The following PCOLCE2 variants were observed in gnomAD, a reference collection of about 807,000 sequenced individuals.
PCOLCE2 encodes the protein procollagen C-proteinase enhancer 2.
PCOLCE2 carries 42 observed loss-of-function variants against 47.0 expected under a neutral mutation model. That is an observed-to-expected ratio of 0.89 (90% CI 0.70 to 1.16). PCOLCE2 has a LOEUF of 1.16. Ranked by LOEUF, PCOLCE2 falls within the 50% of genes most tolerant of loss-of-function variation. PCOLCE2 has a pLI of 0.00. For missense variants in PCOLCE2, 500 were observed against 526.1 expected (o/e 0.95, Z 0.49); for synonymous variants, 169 against 191.7 (o/e 0.88, Z 0.98).
chr3:142,843,076 C>T, intron 3 of PCOLCE2, 28 bp from the exon 4 acceptor site: 1 of 1,608,332 alleles, frequency 6.2e-7, no homozygotes, highest in South Asian at 1.1e-5. Flanking sequence ...GGAAAAAAGC[C>T]CACAAGTTTA....
At chr3:142,883,381 T>C (rs984432595) in intron 2 of PCOLCE2, among the ~76,000 whole-genome samples, 1 of 152,050 alleles carries the variant, frequency 6.6e-6, no homozygotes, top group Non-Finnish European at 1.5e-5. Context: ...AAACTCTAAA[T>C]AGAGTTGCTT....
In PCOLCE2 at chr3:142,842,405, T is replaced by C. The variant is rs570082719; in HGVS notation, c.573+519A>G. On this transcript the variant is annotated intron_variant, in intron 4 of 8. Transcript: ENST00000295992. This position sits in a 1 kb window ranked among gnomAD's most constrained non-coding sequence, Gnocchi z 4.1. ...AACTGTTTTGAAAATTGTCATTATA[T>C]AGCAGGAAATTAAATCCATGAATTT... Among the ~76,000 whole-genome samples, 10 of 152,252 alleles carry C rather than the reference T, an allele frequency of 6.6e-5. No homozygotes were observed. In the South Asian group the frequency reaches 2.1e-3, roughly 32 times the overall value.
At chr3:142,837,197 C>G (rs1937213671) in intron 5 of PCOLCE2, among the ~76,000 whole-genome samples, 2 of 152,240 alleles carry the variant, frequency 1.3e-5, no homozygotes, top group Admixed American at 6.5e-5. Context: ...AACAGATTCC[C>G]TTTCAGAGCT....
rs556394341 is a variant in PCOLCE2 at position 142,870,037 on chromosome 3, ATAC to A, written c.192+17629_192+17631del. Among the ~76,000 whole-genome samples the A allele has an allele frequency of 2.1e-3, 324 of 152,374 alleles. 1 individual carries two copies. Among genetic ancestry groups the A allele is most frequent in the African/African-American group, 6.3e-3 (264 of 41,584 alleles). ...AATTTACCATGCTATCTTAAAATTA[ATAC>A]TACTTTCACATGAATGAGGGATAAT... On this transcript the variant is annotated intron_variant, in intron 2 of 8. Transcript: ENST00000295992.
chr3:142,821,833 C>G (rs1003299696), intron 7 of PCOLCE2, among the ~76,000 whole-genome samples: 12 of 151,792 alleles, frequency 7.9e-5, no homozygotes, highest in African/African-American at 2.9e-4. Context: ...GTCTTTCTCA[C>G]GGGGGTGCGC....
chr3:142,877,723 T>A (rs1481288258), intron 2 of PCOLCE2, among the ~76,000 whole-genome samples: 1 of 152,210 alleles, frequency 6.6e-6, no homozygotes, highest in African/African-American at 2.4e-5. Flanking sequence ...CCCATTCTTC[T>A]AGTAACTGAG....
intron 5 of PCOLCE2, among the ~76,000 whole-genome samples, chr3:142,831,454 A>C (rs1000628434): frequency 6.6e-5 from 10 of 152,182 alleles, no homozygotes; most frequent in African/African-American, 2.4e-4. Flanking sequence ...AACTATAAGA[A>C]ATTCTTTTTC....
Position 142,842,470 on chromosome 3 carries a change from G to A in PCOLCE2, c.573+454C>T, listed in dbSNP as rs1937274537. 6.6e-6 allele frequency among the ~76,000 whole-genome samples: 1 copy of A among 152,146 alleles called. No homozygotes were observed. Among genetic ancestry groups the A allele is most frequent in the African/African-American group, 2.4e-5 (1 of 41,424 alleles). ...TGCAAAGGCTAGGCCGGGCACGGTG[G>A]CTCACATCTGTAATCCCAGCATTTT... On this transcript the variant is annotated intron_variant, in intron 4 of 8. Coordinates refer to ENST00000295992, the MANE Select transcript of PCOLCE2 (RefSeq NM_013363.4). This position sits in a 1 kb window ranked among gnomAD's most constrained non-coding sequence, Gnocchi z 4.1.
intron 2 of PCOLCE2, among the ~76,000 whole-genome samples, chr3:142,870,237 G>A (rs1188210894): frequency 2.6e-5 from 4 of 152,158 alleles, no homozygotes; most frequent in Non-Finnish European, 5.9e-5. Flanking sequence ...TTAGGACCCA[G>A]AAGCAACAGA....
intron 2 of PCOLCE2, among the ~76,000 whole-genome samples, chr3:142,885,877 C>T (rs2108214167): frequency 6.6e-6 from 1 of 152,330 alleles, no homozygotes; most frequent in East Asian, 1.9e-4. Flanking sequence ...CGCTTCTCTT[C>T]CCACTGTCCC....
chr3:142,871,085 T>C (rs2108207988), intron 2 of PCOLCE2, among the ~76,000 whole-genome samples: 1 of 152,352 alleles, frequency 6.6e-6, no homozygotes. Flanking sequence ...CCCTGTACAG[T>C]TGATTGCATC....
At chr3:142,827,076 C>G (rs1191926970) in intron 6 of PCOLCE2, 5 of 1,263,522 alleles carry the variant, frequency 4.0e-6, no homozygotes, top group Non-Finnish European at 5.7e-6. Context: ...TAAAGACAAA[C>G]TTTATTGAGC....
intron 2 of PCOLCE2, among the ~76,000 whole-genome samples, chr3:142,880,045 A>AC (rs1185235047): frequency 5.1e-4 from 72 of 141,462 alleles, no homozygotes; most frequent in African/African-American, 1.8e-3. Context: ...AAACAACCCC[A>AC]CCCCCCCAAA....
At chr3:142,827,462 G>T in intron 6 of PCOLCE2, 1 of 1,540,984 alleles carries the variant, frequency 6.5e-7, no homozygotes, top group Non-Finnish European at 9.0e-7. Flanking sequence ...GTGGGAGATA[G>T]CAGTGGCATA....
At chr3:142,878,139 T>C (rs1933536299) in intron 2 of PCOLCE2, among the ~76,000 whole-genome samples, 1 of 152,132 alleles carries the variant, frequency 6.6e-6, no homozygotes, top group Non-Finnish European at 1.5e-5. Flanking sequence ...TCCCTTCACA[T>C]TTTTGAAAAC....
At chr3:142,846,916 A>G (rs886910293) in intron 3 of PCOLCE2, among the ~76,000 whole-genome samples, 3 of 152,222 alleles carry the variant, frequency 2.0e-5, no homozygotes, top group African/African-American at 7.2e-5. Flanking sequence ...TAGCAGCTTT[A>G]AAGTACTTGT....
In PCOLCE2 at chr3:142,818,410, C is replaced by A; in HGVS notation, c.1173G>T (p.Met391Ile). 1 of 1,613,208 alleles carries A rather than the reference C, an allele frequency of 6.2e-7. No homozygotes were observed. The highest frequency in any genetic ancestry group is 8.5e-7 in the Non-Finnish European group (1 of 1,179,332). Residue 391 changes from methionine (M) to isoleucine (I), a missense_variant, in exon 9 of 9, where the codon ATG (methionine) becomes ATT (isoleucine). Physicochemically the swap from Met to Ile is conservative, Grantham distance 10 (BLOSUM62 1). Transcript: ENST00000295992. ...QVGEDGRGKIMPNSFIMMFKT... is the reference protein window; with the variant it reads ...QVGEDGRGKIIPNSFIMMFKT... ...TGAACATCATGATAAAGCTGTTTGG[C>A]ATGATTTTGCCTCGCCCATCTTCAC...
chr3:142,887,035 C>G (rs987830817), intron 2 of PCOLCE2, among the ~76,000 whole-genome samples: 6 of 152,170 alleles, frequency 3.9e-5, no homozygotes, highest in Admixed American at 1.3e-4. Context: ...CTAGTTGACT[C>G]TAAATCAGTT....
At chr3:142,832,105 C>T (rs946282983) in intron 5 of PCOLCE2, among the ~76,000 whole-genome samples, 1 of 152,214 alleles carries the variant, frequency 6.6e-6, no homozygotes, top group Admixed American at 6.5e-5. Flanking sequence ...AGTTATCATT[C>T]CATAGTCTTC....
Sources: allele counts gnomAD v4.1 joint callset (sites outside exome capture counted in the v4.1 genomes callset), GRCh38; gene constraint gnomAD v4.1.1; non-coding constraint Gnocchi (gnomAD v3.1); transcripts MANE v1.5; gene names NCBI Gene and HGNC (gene_info 2026-07-23, HGNC 2026-07-21).